Variants in EXOC2 observed in about 807,000 individuals in gnomAD.
EXOC2 encodes SEC5-like 1.
Under a neutral mutation model 131.8 loss-of-function variants are expected in EXOC2, and 70 were observed. The observed-to-expected ratio is 0.53, with a 90% CI of 0.44 to 0.65. EXOC2 has a LOEUF of 0.65. EXOC2 is among the 30% of genes least tolerant of loss of function. The pLI, the probability that EXOC2 is intolerant of heterozygous loss-of-function variation, is 0.00. For missense variants in EXOC2, 923 were observed against 1,108.6 expected (o/e 0.83, Z 2.38); for synonymous variants, 411 against 398.4 (o/e 1.03, Z -0.38).
intron 17 of EXOC2, among the ~76,000 whole-genome samples, chr6:559,550 C>T (rs747474391): frequency 1.1e-4 from 16 of 152,152 alleles, no homozygotes; most frequent in South Asian, 4.1e-4. Context: ...GCAAGGTGCA[C>T]TGGGGGTCAG....
chr6:625,570 T>C (rs1195260453), intron 4 of EXOC2, among the ~76,000 whole-genome samples: 5 of 148,414 alleles, frequency 3.4e-5, no homozygotes, highest in Non-Finnish European at 5.9e-5. Flanking sequence ...CTTGAAGGCG[T>C]TCTCATTGCC....
chr6:592,529 G>A lies in EXOC2; in HGVS notation c.1132C>T (p.His378Tyr). The stretch of plus-strand genomic sequence containing the variant: ...TGCATGAGCTGAAGGATCCACTTGT[G>A]TTGGGCTCCAATGCATTGCCAAGCA... Reference protein sequence around the residue: ...DPAWQCIGAQHKWILQLMHSC... With the variant: ...DPAWQCIGAQYKWILQLMHSC... The change falls in exon 11 of 28, where the codon CAC (histidine) becomes TAC (tyrosine). Residue 378 changes from histidine (H) to tyrosine (Y), a missense_variant. Coordinates refer to ENST00000230449, the MANE Select transcript of EXOC2 (RefSeq NM_018303.6). 1 of 1,614,122 alleles carries A rather than the reference G, an allele frequency of 6.2e-7. No individual in the cohort carries two copies. The highest frequency in any genetic ancestry group is 8.5e-7 in the Non-Finnish European group (1 of 1,180,008).
intron 15 of EXOC2, among the ~76,000 whole-genome samples, 171 bp downstream of exon 15, chr6:564,374 A>G (rs1229088829): frequency 6.6e-6 from 1 of 152,198 alleles, no homozygotes; most frequent in African/African-American, 2.4e-5. Flanking sequence ...CCAACACAAA[A>G]ACCAGGAACA....
Position 486,373 on chromosome 6 carries a change from A to T in EXOC2, c.*298T>A. 3.8e-6 allele frequency: 1 copy of T among 261,164 alleles called. No individual in the cohort carries two copies. 16.2% of individuals were successfully genotyped at this position (261,164 alleles called of 1,614,324 possible). On this transcript the variant is annotated 3_prime_UTR_variant, in exon 28 of 28. Transcript: ENST00000230449. ...CACGCCATTCCAGAAAACTCCCTGCAGAAGCAGCTCTTCCTGCAGCACTCA... is the reference window on the plus strand; with the variant it reads ...CACGCCATTCCAGAAAACTCCCTGCTGAAGCAGCTCTTCCTGCAGCACTCA...
chr6:660,814 C>T (rs1333370031), intron 1 of EXOC2, among the ~76,000 whole-genome samples: 2 of 151,716 alleles, frequency 1.3e-5, no homozygotes, highest in African/African-American at 4.8e-5. Context: ...CCCTGATTTA[C>T]CTGAAAAAAA....
intron 10 of EXOC2, among the ~76,000 whole-genome samples, chr6:595,124 T>C (rs558470356): frequency 8.6e-5 from 13 of 152,012 alleles, no homozygotes; most frequent in Admixed American, 3.3e-4. Flanking sequence ...AACATCAAGA[T>C]AGAAATAAGG....
At chr6:691,498 G>C (rs958002759) in intron 1 of EXOC2, among the ~76,000 whole-genome samples, 5 of 151,208 alleles carry the variant, frequency 3.3e-5, no homozygotes, top group African/African-American at 1.2e-4. Flanking sequence ...TTCATTTAAA[G>C]AAGAGTAAAT....
chr6:666,376 A>ACCATAGTCATGT (rs144263117), intron 1 of EXOC2, among the ~76,000 whole-genome samples: 9 of 103,280 alleles, frequency 8.7e-5, no homozygotes, highest in African/African-American at 1.5e-4. Flanking sequence ...AAAATTGAGC[A>ACCATAGTCATGT]AATGATTCAA....
intron 22 of EXOC2, among the ~76,000 whole-genome samples, chr6:547,898 T>C (rs987410247): frequency 3.3e-5 from 5 of 152,200 alleles, no homozygotes; most frequent in Admixed American, 3.3e-4. Flanking sequence ...CTTAGTGATA[T>C]AAAGTGAAGC....
Position 557,995 on chromosome 6 carries a change from T to C in EXOC2, c.1852-1431A>G, listed in dbSNP as rs563783282. Among the ~76,000 whole-genome samples, 24 of 151,648 alleles carry C rather than the reference T, an allele frequency of 1.6e-4. No individual in the cohort carries two copies. The South Asian group carries it at 4.8e-3, about 30-fold the overall frequency. The stretch of plus-strand genomic sequence containing the variant: ...AAACATGAGCACAGGTCTTGAGAGA[T>C]GGGGTAGGCGGCCGGGCTTCATCCG... On this transcript the variant is annotated intron_variant, in intron 17 of 27. Coordinates refer to ENST00000230449, the MANE Select transcript of EXOC2 (RefSeq NM_018303.6).
chr6:692,431 A>G (rs1246807964), intron 1 of EXOC2, among the ~76,000 whole-genome samples: 6 of 152,228 alleles, frequency 3.9e-5, no homozygotes, highest in Admixed American at 3.3e-4. Context: ...CAGCTACAAC[A>G]GGACCTCAGG....
intron 19 of EXOC2, 21 bp downstream of exon 19, chr6:555,933 A>G (rs1757394513): frequency 6.2e-7 from 1 of 1,611,272 alleles, no homozygotes; most frequent in Non-Finnish European, 8.5e-7. Flanking sequence ...GGCTTTCAGC[A>G]TTACTGCTTT....
At chr6:642,775 C>T (rs973333198) in intron 1 of EXOC2, among the ~76,000 whole-genome samples, 6 of 151,772 alleles carry the variant, frequency 4.0e-5, no homozygotes, top group Non-Finnish European at 7.4e-5. Flanking sequence ...TTAGGCTGCA[C>T]AGTAGGTAGA....
At chr6:528,372 A>G (rs1220490429) in intron 23 of EXOC2, among the ~76,000 whole-genome samples, 1 of 152,254 alleles carries the variant, frequency 6.6e-6, no homozygotes, top group African/African-American at 2.4e-5. Flanking sequence ...ATTTTGGAAG[A>G]TTAATAGTCA....
chr6:504,687 G>T (rs946911285), intron 23 of EXOC2, among the ~76,000 whole-genome samples: 3 of 152,152 alleles, frequency 2.0e-5, no homozygotes, highest in Non-Finnish European at 4.4e-5. Flanking sequence ...TGCCTACTCT[G>T]CGAAACAGAC....
intron 26 of EXOC2, 26 bp from the exon 27 acceptor site, chr6:489,064 GT>G (rs1440643444): frequency 6.2e-7 from 1 of 1,612,968 alleles, no homozygotes; most frequent in Non-Finnish European, 8.5e-7. Context: ...CCACACTGAA[GT>G]TGAAGCCTTG....
intron 21 of EXOC2, among the ~76,000 whole-genome samples, chr6:552,728 A>G (rs1757212533): frequency 6.6e-6 from 1 of 152,172 alleles, no homozygotes; most frequent in African/African-American, 2.4e-5. Context: ...AATTGAATCT[A>G]GAATAATTTT....
At chr6:526,574 G>C (rs577070418) in intron 23 of EXOC2, among the ~76,000 whole-genome samples, 63 of 151,608 alleles carry the variant, frequency 4.2e-4, no homozygotes, top group African/African-American at 1.4e-3. Flanking sequence ...CCGAGTAGCT[G>C]GGATGACAGG....
chr6:657,213 G>A (rs1763174194), intron 1 of EXOC2: 1 of 352,466 alleles, frequency 2.8e-6, no homozygotes, highest in Non-Finnish European at 5.1e-6. Flanking sequence ...CCGGTTATAA[G>A]AAGAGTAGGC....
Sources: gnomAD v4.1 joint callset for allele counts (sites outside exome capture counted in the v4.1 genomes callset) on GRCh38, gnomAD v4.1.1 for gene constraint, MANE v1.5 for transcripts, NCBI Gene and HGNC (gene_info 2026-07-23, HGNC 2026-07-21) for gene names.